The following SLC35F4 variants were observed in gnomAD, a reference collection of about 807,000 sequenced individuals.
SLC35F4 encodes the protein solute carrier family 35 member F4.
In SLC35F4, 24 loss-of-function variants were observed where a neutral mutation model predicts 44.2. The ratio of observed to expected loss-of-function variants is 0.54; its 90% CI spans 0.39 to 0.76. The LOEUF (loss-of-function observed/expected upper bound fraction) is 0.76. SLC35F4 is among the 30% of genes least tolerant of loss of function. The probability of loss-of-function intolerance (pLI) is 0.00; values close to 1 mark genes in which losing one functional copy is unlikely to be tolerated. For synonymous variants in SLC35F4, 238 were observed against 223.6 expected (o/e 1.06, Z -0.57); for missense variants, 562 against 586.1 (o/e 0.96, Z 0.42).
At position 57,883,899 on chromosome 14, in the gene SLC35F4, G is replaced by A. The variant is rs1414263; in HGVS notation, n.282+98014C>T. Among the ~76,000 whole-genome samples the A allele has an allele frequency of 0.022, 3,322 of 151,980 alleles. 425 individuals are homozygous for A. In the East Asian group the frequency reaches 0.39, roughly 18 times the overall value. On this transcript the variant is annotated intron_variant and non_coding_transcript_variant, in intron 1 of 1. Transcript: ENST00000556568. ...TTTTTAACAAATATTTCTTTCTAACGTTTTGTACAGTATTTGATTGTCCGT... is the reference window on the plus strand; with the variant it reads ...TTTTTAACAAATATTTCTTTCTAACATTTTGTACAGTATTTGATTGTCCGT...
intron 1 of SLC35F4, among the ~76,000 whole-genome samples, chr14:57,732,299 G>A (rs547838024): frequency 1.3e-5 from 2 of 152,008 alleles, no homozygotes. Context: ...CTAATTACAG[G>A]TTTTATTTCT....
At chr14:57,947,260 T>A (rs1890052608) in intron 1 of SLC35F4, among the ~76,000 whole-genome samples, 1 of 151,694 alleles carries the variant, frequency 6.6e-6, no homozygotes, top group African/African-American at 2.4e-5. Context: ...TGTTTTTTTT[T>A]TTTTGGTTTG....
chr14:57,718,359 C>A (rs1014305728), intron 1 of SLC35F4, among the ~76,000 whole-genome samples: 2 of 151,868 alleles, frequency 1.3e-5, no homozygotes, highest in Non-Finnish European at 2.9e-5. Flanking sequence ...GAGTATTTAC[C>A]CAGCAGTGAG....
In SLC35F4 at chr14:57,891,649, A is replaced by G. The variant is rs1888766094; in HGVS notation, n.282+90264T>C. Among the ~76,000 whole-genome samples, 3 of 152,248 alleles carry G rather than the reference A, an allele frequency of 2.0e-5. No individual in the cohort carries two copies. In the South Asian group the frequency reaches 6.2e-4, roughly 32 times the overall value. ...TCCCAGCACTTTGGGAGGCCAAGGC[A>G]GGCATATCACGAGATCAGGAGATCG... On this transcript the variant is annotated intron_variant and non_coding_transcript_variant, in intron 1 of 1. Transcript: ENST00000556568.
chr14:57,622,662 A>C (rs2072249675), intron 1 of SLC35F4, among the ~76,000 whole-genome samples: 2 of 151,850 alleles, frequency 1.3e-5, no homozygotes, highest in South Asian at 2.1e-4. Context: ...CACTCTGGGG[A>C]CTGTTGTGGG....
intron 1 of SLC35F4, among the ~76,000 whole-genome samples, chr14:57,877,358 A>G (rs2141030397): frequency 6.6e-6 from 1 of 152,302 alleles, no homozygotes; most frequent in East Asian, 1.9e-4. Flanking sequence ...ACTCTGTGGC[A>G]TTCCATGATA....
At chr14:57,580,486 C>A (rs1469444478) in intron 4 of SLC35F4, 2 of 354,432 alleles carry the variant, frequency 5.6e-6, no homozygotes, top group Non-Finnish European at 1.1e-5. Flanking sequence ...TAGTGGCATG[C>A]CGGATTATAT....
intron 1 of SLC35F4, among the ~76,000 whole-genome samples, chr14:57,738,504 G>A (rs530301703): frequency 1.3e-5 from 2 of 151,850 alleles, no homozygotes; most frequent in African/African-American, 4.8e-5. Flanking sequence ...TGCCTAGCTG[G>A]TTCCTGCCAC....
chr14:57,649,743 G>A (rs115874891), intron 1 of SLC35F4, among the ~76,000 whole-genome samples: 10 of 152,030 alleles, frequency 6.6e-5, no homozygotes, highest in East Asian at 3.9e-4. Context: ...TAATGTTGGC[G>A]AAATGAATGA....
intron 1 of SLC35F4, among the ~76,000 whole-genome samples, chr14:57,695,206 A>G (rs931381808): frequency 1.3e-5 from 2 of 152,236 alleles, no homozygotes; most frequent in Non-Finnish European, 2.9e-5. Flanking sequence ...TGCACAGCAA[A>G]AGAAACTATC....
intron 1 of SLC35F4, among the ~76,000 whole-genome samples, chr14:57,858,073 C>T (rs968788823): frequency 6.6e-6 from 1 of 152,046 alleles, no homozygotes; most frequent in Non-Finnish European, 1.5e-5. Flanking sequence ...CACTTTTGCA[C>T]TGTTGGTGGG....
chr14:57,609,559 G>T (rs1352185287), intron 1 of SLC35F4, among the ~76,000 whole-genome samples: 1 of 152,220 alleles, frequency 6.6e-6, no homozygotes, highest in Non-Finnish European at 1.5e-5. Flanking sequence ...GGCGAATTAT[G>T]GGAGCTATGC....
intron 1 of SLC35F4, among the ~76,000 whole-genome samples, chr14:57,910,965 T>C (rs1005074374): frequency 6.6e-6 from 1 of 152,056 alleles, no homozygotes; most frequent in African/African-American, 2.4e-5. Flanking sequence ...AGATTTGTGG[T>C]TGTCATCATG....
chr14:57,913,678 C>T (rs911378582), intron 1 of SLC35F4, among the ~76,000 whole-genome samples: 5 of 152,012 alleles, frequency 3.3e-5, no homozygotes, highest in Non-Finnish European at 4.4e-5. Flanking sequence ...CATACATAAT[C>T]GAGTACACTG....
At chr14:57,931,734 C>T (rs113419614) in intron 1 of SLC35F4, among the ~76,000 whole-genome samples, 2 of 152,328 alleles carry the variant, frequency 1.3e-5, no homozygotes, top group African/African-American at 4.8e-5. Flanking sequence ...AATTATCTCA[C>T]AGCTGCTTCT....
At position 57,609,278 on chromosome 14, in the gene SLC35F4, A is replaced by G. The variant is rs1038949561; in HGVS notation, c.104-15154T>C. 2.6e-5 allele frequency among the ~76,000 whole-genome samples: 4 copies of G among 152,224 alleles called. No homozygotes were observed. In the South Asian group the frequency reaches 8.3e-4, roughly 32 times the overall value. Reference sequence around the variant, plus strand: ...ACAGTGCAAAAGATTTATAAAAATCAGGCATGTTTTTGTAATTTAATAGAA... The same window carrying G: ...ACAGTGCAAAAGATTTATAAAAATCGGGCATGTTTTTGTAATTTAATAGAA... On this transcript the variant is annotated intron_variant, in intron 1 of 7. Transcript: ENST00000556826.
chr14:57,810,483 C>T (rs930359713), intron 1 of SLC35F4, among the ~76,000 whole-genome samples: 3 of 152,122 alleles, frequency 2.0e-5, no homozygotes, highest in African/African-American at 7.2e-5. Context: ...GACAGGGAGC[C>T]CCTCAAAATT....
intron 1 of SLC35F4, among the ~76,000 whole-genome samples, chr14:57,687,020 A>C (rs1459315934): frequency 6.6e-6 from 1 of 152,162 alleles, no homozygotes; most frequent in Non-Finnish European, 1.5e-5. Flanking sequence ...TACAAGAAAA[A>C]GAGATTAGGA....
chr14:57,730,269 G>A (rs962197253), intron 1 of SLC35F4, among the ~76,000 whole-genome samples: 1 of 152,316 alleles, frequency 6.6e-6, no homozygotes, highest in East Asian at 1.9e-4. Context: ...GGGACAGGAA[G>A]TATGTAGGCT....
Sources: allele counts gnomAD v4.1 joint callset (sites outside exome capture counted in the v4.1 genomes callset), GRCh38; gene constraint gnomAD v4.1.1; transcripts MANE v1.5; gene names NCBI Gene and HGNC (gene_info 2026-07-23, HGNC 2026-07-21).